NDST1: variants seen among roughly 807,000 people sequenced by gnomAD.
NDST1 encodes the protein N-deacetylase and N-sulfotransferase 1, also known as bifunctional heparan sulfate N-deacetylase/N-sulfotransferase 1.
In NDST1, 35 loss-of-function variants were observed where a neutral mutation model predicts 92.8. The ratio of observed to expected loss-of-function variants is 0.38; its 90% CI spans 0.29 to 0.50. The LOEUF is 0.50. Ranked by LOEUF, NDST1 falls within the 20% of genes least tolerant of loss-of-function variation. The pLI, the probability that NDST1 is intolerant of heterozygous loss-of-function variation, is 0.94. For synonymous variants in NDST1, 493 were observed against 500.3 expected (o/e 0.99, Z 0.19); for missense variants, 822 against 1,182.7 (o/e 0.69, Z 4.47).
chr5:150,518,788 T>A (rs1754105571), intron 1 of NDST1: 1 of 152,184 alleles, frequency 6.6e-6, no homozygotes, highest in African/African-American at 2.4e-5. Context: ...AATTGCTTTT[T>A]TTTTTTTAGA....
chr5:150,533,070 A>G, intron 4 of NDST1, 38 bp downstream of exon 4: 1 of 1,581,210 alleles, frequency 6.3e-7, no homozygotes, highest in Non-Finnish European at 8.7e-7. Flanking sequence ...AGCAACTTCC[A>G]GGACTCCTCA....
In NDST1 at chr5:150,520,906, G is replaced by T. The variant is rs1452417546; in HGVS notation, c.-349G>T. The T allele has an allele frequency of 2.0e-6, 1 of 492,398 alleles. No homozygotes were observed. The highest frequency in any genetic ancestry group is 3.6e-6 in the Non-Finnish European group (1 of 281,042). 30.5% of individuals were successfully genotyped at this position (492,398 alleles called of 1,614,324 possible). On this transcript the variant is annotated 5_prime_UTR_variant, in exon 2 of 15. Coordinates refer to ENST00000261797, the MANE Select transcript of NDST1 (RefSeq NM_001543.5). ...GGCCCCACGGAGTGAGCGGCATGCAGCACCCCCGGGCCTGTCCAGTGTCCT... is the reference window on the plus strand; with the variant it reads ...GGCCCCACGGAGTGAGCGGCATGCATCACCCCCGGGCCTGTCCAGTGTCCT...
At chr5:150,529,103 G>T (rs967204426) in intron 3 of NDST1, among the ~76,000 whole-genome samples, 3 of 151,784 alleles carry the variant, frequency 2.0e-5, no homozygotes, top group Admixed American at 6.6e-5. Flanking sequence ...TTCAAAAAAG[G>T]TTTGCTGGCC....
Position 150,521,318 on chromosome 5 carries a change from C to T in NDST1, c.64C>T (p.Leu22=). Residue 22 remains leucine (L), a synonymous_variant, in exon 2 of 15, where the codon CTG becomes TTG. Transcript: ENST00000261797. This position sits in a 1 kb window ranked among gnomAD's most constrained non-coding sequence, Gnocchi z 5.9. ...RHVSPQAVLF[L]LFIFCLFSVF... The stretch of plus-strand genomic sequence containing the variant: ...CGTGTCCCCGCAGGCTGTCCTTTTC[C>T]TGCTGTTCATCTTCTGCCTGTTCAG... The T allele has an allele frequency of 6.2e-7, 1 of 1,613,372 alleles. No homozygotes were observed. Among genetic ancestry groups the T allele is most frequent in the African/African-American group, 1.3e-5 (1 of 75,066 alleles).
intron 11 of NDST1, 32 bp from the exon 12 acceptor site, chr5:150,548,186 G>A: frequency 6.2e-7 from 1 of 1,613,922 alleles, no homozygotes; most frequent in Non-Finnish European, 8.5e-7. Flanking sequence ...TGTCCTCCAA[G>A]TGGCATGCTG....
chr5:150,539,174 C>T (rs1755129624), intron 6 of NDST1, 54 bp from the exon 7 acceptor site: 3 of 1,456,722 alleles, frequency 2.1e-6, no homozygotes, highest in Non-Finnish European at 2.9e-6. Flanking sequence ...AGAGTCCTCC[C>T]ACCACCCTCA....
chr5:150,553,495 G>A lies in NDST1; in HGVS notation c.*163G>A, dbSNP rs771914587. 4 of 997,074 alleles carry A rather than the reference G, an allele frequency of 4.0e-6. No homozygotes were observed. Among genetic ancestry groups the A allele is most frequent in the East Asian group, 5.3e-5 (2 of 37,780 alleles). The allele number at this position is 997,074 out of a possible 1,614,324, so 61.8% of individuals were successfully genotyped here. A position where few individuals can be genotyped will look rare whatever the true frequency, so the allele number is the denominator to read the frequency against. Reference sequence around the variant, plus strand: ...GCTGGGGGAGCACCCAGGCGGATCTGCAAGCACCTCGGAGCACCCACCGCT... The same window carrying A: ...GCTGGGGGAGCACCCAGGCGGATCTACAAGCACCTCGGAGCACCCACCGCT... On this transcript the variant is annotated 3_prime_UTR_variant, in exon 15 of 15. Transcript: ENST00000261797. This position sits in a 1 kb window ranked among gnomAD's most constrained non-coding sequence, Gnocchi z 4.2.
chr5:150,551,740 C>T lies in NDST1; in HGVS notation c.2427-13C>T, dbSNP rs201663808. The T allele has an allele frequency of 1.2e-5, 20 of 1,611,816 alleles. No homozygotes were observed. The African/African-American group carries it at 2.4e-4, about 19-fold the overall frequency. ...GAGCCAGCTCCCATCCAAAGACTTT[C>T]CCACCTCCACAGGTTTGATCCAAAG... On this transcript the variant is annotated splice_polypyrimidine_tract_variant and intron_variant, in intron 13 of 14. Transcript: ENST00000261797.
intron 12 of NDST1, among the ~76,000 whole-genome samples, chr5:150,548,974 T>C (rs1261850871): frequency 6.6e-6 from 1 of 151,822 alleles, no homozygotes. Flanking sequence ...CTGGGCGTGG[T>C]GATGGAGGGA....
At chr5:150,519,138 C>G (rs1213644278) in intron 1 of NDST1, among the ~76,000 whole-genome samples, 1 of 152,200 alleles carries the variant, frequency 6.6e-6, no homozygotes, top group Non-Finnish European at 1.5e-5. Context: ...ATAAGCAGCA[C>G]TAGGATTTGT....
chr5:150,513,220 G>A (rs992697185), intron 1 of NDST1, among the ~76,000 whole-genome samples: 30 of 152,208 alleles, frequency 2.0e-4, no homozygotes, highest in Middle Eastern at 3.4e-3. Flanking sequence ...GCTGGGCACA[G>A]TGGCTCACGT....
In NDST1 at chr5:150,521,644, T is replaced by C; in HGVS notation, c.390T>C (p.Arg130=). 6.2e-7 allele frequency: 1 copy of C among 1,614,064 alleles called. No individual in the cohort carries two copies. Among genetic ancestry groups the C allele is most frequent in the East Asian group, 2.2e-5 (1 of 44,874 alleles). ...TGCCCACGCTCACTGACAAGGGCCG[T>C]GGCCGCTTCGCCCTCATCATCTATG... The part of the protein sequence containing the change: ...GDMPTLTDKG[R]GRFALIIYEN... The change falls in exon 2 of 15, where the codon CGT becomes CGC. Residue 130 remains arginine, a synonymous_variant. Transcript: ENST00000261797. This position sits in a 1 kb window ranked among gnomAD's most constrained non-coding sequence, Gnocchi z 5.9.
rs542881772 is a variant in NDST1, at chr5:150,522,178, T to C, written c.513+411T>C. Among the ~76,000 whole-genome samples, 685 of 152,246 alleles carry C rather than the reference T, an allele frequency of 4.5e-3. 3 individuals carry two copies. Among genetic ancestry groups the C allele is most frequent in the African/African-American group, 0.016 (665 of 41,536 alleles). On this transcript the variant is annotated intron_variant, in intron 2 of 14. Coordinates refer to ENST00000261797, the MANE Select transcript of NDST1 (RefSeq NM_001543.5). The stretch of plus-strand genomic sequence containing the variant: ...GTGTTAAGTTACTTATGTGAGGTTT[T>C]GCAGCCTGTAAGTGGAGAAGCCGAG...
At chr5:150,513,057 A>G (rs780080965) in intron 1 of NDST1, among the ~76,000 whole-genome samples, 8 of 152,164 alleles carry the variant, frequency 5.3e-5, no homozygotes, top group Non-Finnish European at 1.0e-4. Flanking sequence ...TTAGCTGGGC[A>G]TGGTGGCACA....
chr5:150,501,054 C>T (rs1361751058), intron 1 of NDST1, among the ~76,000 whole-genome samples: 1 of 152,188 alleles, frequency 6.6e-6, no homozygotes, highest in Non-Finnish European at 1.5e-5. Flanking sequence ...GTTGGGTGTG[C>T]AAATTACCCC....
chr5:150,518,401 G>A (rs1039520185), intron 1 of NDST1, among the ~76,000 whole-genome samples: 2 of 152,016 alleles, frequency 1.3e-5, no homozygotes. Context: ...GAATATCAGA[G>A]GTGAAGGAGC....
intron 13 of NDST1, 45 bp downstream of exon 13, chr5:150,549,832 G>T (rs988467834): frequency 1.6e-6 from 2 of 1,235,184 alleles, no homozygotes; most frequent in Admixed American, 1.7e-5. Flanking sequence ...CCCTGATAAG[G>T]CACCTGGGCC....
At chr5:150,522,684 TG>T (rs1368340172) in intron 2 of NDST1, among the ~76,000 whole-genome samples, 1 of 151,224 alleles carries the variant, frequency 6.6e-6, no homozygotes, top group African/African-American at 2.4e-5. Flanking sequence ...GCTTTGGGAG[TG>T]GGTGGGTGAC....
In NDST1 at chr5:150,545,497, C is replaced by G. The variant is rs929899562; in HGVS notation, c.2145+11C>G. Reference sequence around the variant, plus strand: ...TATTCCTGGTACCAGGTGAGTGGGGCTGGGGTGGAGTCCCTGTGTCGGGAA... The same window carrying G: ...TATTCCTGGTACCAGGTGAGTGGGGGTGGGGTGGAGTCCCTGTGTCGGGAA... On this transcript the variant is annotated intron_variant, in intron 11 of 14. Coordinates refer to ENST00000261797, the MANE Select transcript of NDST1 (RefSeq NM_001543.5). The G allele has an allele frequency of 6.2e-7, 1 of 1,614,030 alleles. No homozygotes were observed. The highest frequency in any genetic ancestry group is 1.7e-5 in the Admixed American group (1 of 60,004).
Sources: allele counts gnomAD v4.1 joint callset (sites outside exome capture counted in the v4.1 genomes callset), GRCh38; gene constraint gnomAD v4.1.1; non-coding constraint Gnocchi (gnomAD v3.1); transcripts MANE v1.5; gene names NCBI Gene and HGNC (gene_info 2026-07-23, HGNC 2026-07-21).